Variants in FRMD3 observed in about 807,000 individuals in gnomAD.
FRMD3 encodes FERM domain-containing protein 3.
Under a neutral mutation model 70.2 loss-of-function variants are expected in FRMD3, and 33 were observed. That is an observed-to-expected ratio of 0.47 (90% CI 0.36 to 0.63). The LOEUF (loss-of-function observed/expected upper bound fraction) is 0.63, where lower values mean the gene tolerates loss of function less well. Ranked by LOEUF, FRMD3 falls within the 20% of genes least tolerant of loss-of-function variation. The probability of loss-of-function intolerance (pLI) is 0.00; values close to 1 mark genes in which losing one functional copy is unlikely to be tolerated. For synonymous variants in FRMD3, 279 were observed against 255.9 expected (o/e 1.09, Z -0.86); for missense variants, 632 against 711.4 (o/e 0.89, Z 1.27).
intron 4 of FRMD3, 65 bp downstream of exon 4, chr9:83,349,614 G>T: frequency 8.2e-7 from 1 of 1,213,250 alleles, no homozygotes. Flanking sequence ...CATCTAGCCT[G>T]CAAGACCAAA....
chr9:83,288,425 ATTG>A (rs769691311), intron 13 of FRMD3, among the ~76,000 whole-genome samples: 21 of 152,158 alleles, frequency 1.4e-4, no homozygotes, highest in Non-Finnish European at 2.6e-4. Flanking sequence ...AATTAACAAT[ATTG>A]TTGTTTCTAC....
chr9:83,561,143 C>T, the FRMD3 span, among the ~76,000 whole-genome samples: 4 of 152,150 alleles, frequency 2.6e-5, no homozygotes, highest in Non-Finnish European at 4.4e-5. Context: ...GTGAGCTACA[C>T]CATATCTTTT....
intron 6 of FRMD3, among the ~76,000 whole-genome samples, chr9:83,321,994 C>T (rs746357216): frequency 6.6e-6 from 1 of 152,074 alleles, no homozygotes; most frequent in Non-Finnish European, 1.5e-5. Flanking sequence ...GTTTCCTTGT[C>T]CCTCCTCAAC....
chr9:83,357,250 T>TA (rs1824408753), intron 3 of FRMD3, among the ~76,000 whole-genome samples: 2 of 8,594 alleles, frequency 2.3e-4, no homozygotes, highest in African/African-American at 9.1e-4. Flanking sequence ...TACATACATA[T>TA]ATATATATAT....
intron 1 of FRMD3, among the ~76,000 whole-genome samples, chr9:83,499,444 T>C (rs977167745): frequency 2.0e-5 from 3 of 152,212 alleles, no homozygotes; most frequent in Admixed American, 6.5e-5. Flanking sequence ...AAAAGTATTT[T>C]CTGAAACGTG....
intron 1 of FRMD3, among the ~76,000 whole-genome samples, chr9:83,536,929 C>CAAAAAAAAAAAAAAAA (rs1829904095): frequency 2.2e-5 from 1 of 46,268 alleles, no homozygotes; most frequent in African/African-American, 1.3e-4. Flanking sequence ...CTGTATTACA[C>CAAAAAAAAAAAAAAAA]TAAAAAAAAA....
chr9:83,385,765 A>G (rs368413210), intron 2 of FRMD3, among the ~76,000 whole-genome samples: 1 of 152,146 alleles, frequency 6.6e-6, no homozygotes, highest in South Asian at 2.1e-4. Context: ...TGGTCAATTA[A>G]TATCTGTTTA....
At chr9:83,353,465 A>AT (rs1301506459) in intron 3 of FRMD3, among the ~76,000 whole-genome samples, 1 of 152,194 alleles carries the variant, frequency 6.6e-6, no homozygotes, top group African/African-American at 2.4e-5. Flanking sequence ...GACAAGATGC[A>AT]TGAGGGTATA....
intron 1 of FRMD3, among the ~76,000 whole-genome samples, chr9:83,476,930 T>C (rs1303470269): frequency 2.0e-5 from 3 of 152,348 alleles, no homozygotes; most frequent in Non-Finnish European, 2.9e-5. Context: ...CTAGATTTTA[T>C]GATCCTTGAG....
chr9:83,462,819 G>A (rs747716079), intron 1 of FRMD3, among the ~76,000 whole-genome samples: 4 of 152,162 alleles, frequency 2.6e-5, no homozygotes, highest in Non-Finnish European at 4.4e-5. Flanking sequence ...TCAATGAACT[G>A]TCCTGGCACA....
intron 3 of FRMD3, among the ~76,000 whole-genome samples, chr9:83,357,870 G>C (rs1824454183): frequency 6.6e-6 from 1 of 152,128 alleles, no homozygotes; most frequent in Non-Finnish European, 1.5e-5. Flanking sequence ...CCCACTCTGT[G>C]GGTTGTCTGT....
At chr9:83,357,243 A>ATT in intron 3 of FRMD3, among the ~76,000 whole-genome samples, 1 of 1,060 alleles carries the variant, frequency 9.4e-4, no homozygotes, top group Non-Finnish European at 2.8e-3. Context: ...TATATAATAC[A>ATT]TACATATATA....
Position 83,348,586 on chromosome 9 carries a change from T to G in FRMD3, c.374+1093A>C, listed in dbSNP as rs141699513. ...ACACTGTGAATGTACTGAATGCCACTGCATTATACACTTTAAAATGGTGAG... is the reference window on the plus strand; with the variant it reads ...ACACTGTGAATGTACTGAATGCCACGGCATTATACACTTTAAAATGGTGAG... On this transcript the variant is annotated intron_variant, in intron 4 of 13. Transcript: ENST00000304195. 7.9e-4 allele frequency among the ~76,000 whole-genome samples: 120 copies of G among 152,272 alleles called. No individual in the cohort carries two copies. In the Middle Eastern group the frequency reaches 0.01, roughly 13 times the overall value.
At chr9:83,349,005 T>G (rs983546375) in intron 4 of FRMD3, among the ~76,000 whole-genome samples, 4 of 152,212 alleles carry the variant, frequency 2.6e-5, no homozygotes, top group African/African-American at 9.7e-5. Flanking sequence ...TAGCAAGTGA[T>G]TTTTGTGGTC....
intron 1 of FRMD3, among the ~76,000 whole-genome samples, chr9:83,428,258 A>T (rs140191492): frequency 0.012 from 1,898 of 152,160 alleles, 48 homozygotes; most frequent in African/African-American, 0.044. Context: ...CACACCTGTA[A>T]TCCCAGCTAC....
chr9:83,442,152 G>A (rs568421307), intron 1 of FRMD3, among the ~76,000 whole-genome samples: 1 of 152,040 alleles, frequency 6.6e-6, no homozygotes, highest in Admixed American at 6.5e-5. Context: ...GACAATAACA[G>A]CTACCACTGG....
chr9:83,279,221 T>C (rs762144997), intron 13 of FRMD3: 4 of 152,198 alleles, frequency 2.6e-5, no homozygotes, highest in Non-Finnish European at 5.9e-5. Flanking sequence ...AGTTCCCAAT[T>C]GGATGCCTCT....
intron 2 of FRMD3, among the ~76,000 whole-genome samples, chr9:83,375,930 TG>T (rs980816519): frequency 2.6e-5 from 4 of 152,024 alleles, no homozygotes; most frequent in African/African-American, 9.7e-5. Flanking sequence ...GAGGCCAAGG[TG>T]GGTGGACCGC....
intron 1 of FRMD3, among the ~76,000 whole-genome samples, chr9:83,482,434 G>A (rs1828589427): frequency 6.6e-6 from 1 of 152,122 alleles, no homozygotes; most frequent in South Asian, 2.1e-4. Context: ...AGAAAAATCA[G>A]ACTCTGCACT....
Sources: gnomAD v4.1 joint callset for allele counts (sites outside exome capture counted in the v4.1 genomes callset) on GRCh38, gnomAD v4.1.1 for gene constraint, MANE v1.5 for transcripts, NCBI Gene and HGNC (gene_info 2026-07-23, HGNC 2026-07-21) for gene names.